Variants in ZP2 observed in about 807,000 individuals in gnomAD.
ZP2 encodes the protein zona pellucida glycoprotein 2.
ZP2 carries 51 observed loss-of-function variants against 84.0 expected under a neutral mutation model. That is an observed-to-expected ratio of 0.61 (90% CI 0.49 to 0.77). ZP2 has a LOEUF of 0.77. Ranked by LOEUF, ZP2 falls within the 30% of genes least tolerant of loss-of-function variation. The pLI is 0.00. For missense variants in ZP2, 909 were observed against 911.9 expected (o/e 1.00, Z 0.04); for synonymous variants, 375 against 330.9 (o/e 1.13, Z -1.45).
chr16:21,212,270 G>A (rs963290331), upstream of ZP2, among the ~76,000 whole-genome samples: 3 of 152,114 alleles, frequency 2.0e-5, no homozygotes, highest in African/African-American at 7.2e-5. Flanking sequence ...TACTGCAGAA[G>A]TTACCCTGAT....
In ZP2 at chr16:21,198,865, G is replaced by T; in HGVS notation, c.1928-3C>A. On this transcript the variant is annotated splice_polypyrimidine_tract_variant and splice_region_variant and intron_variant, in intron 16 of 18. Transcript: ENST00000574091. The stretch of plus-strand genomic sequence containing the variant: ...CTCTGCTTCAGTGGCCCCTGTGGCT[G>T]GAGACAGATGATCAAGTTTGTGTTT... The T allele has an allele frequency of 6.2e-7, 1 of 1,613,462 alleles. No homozygotes were observed.
At position 21,197,801 on chromosome 16, in the gene ZP2, C is replaced by A; in HGVS notation, c.2060G>T (p.Ser687Ile). ...LKASGSSGEKSRSETGEEVGS... is the reference protein window; with the variant it reads ...LKASGSSGEKIRSETGEEVGS... ...AACCTCCTCCCCTGTTTCACTCCTA[C>A]TCTTCTCCCCACTGCTCCCACTTGC... Residue 687 changes from serine (S) to isoleucine (I), a missense_variant, in exon 18 of 19, where the codon AGT becomes ATT. Physicochemically the swap from Ser to Ile is moderately radical, Grantham distance 142. Coordinates refer to ENST00000574091, the MANE Select transcript of ZP2 (RefSeq NM_001376232.1). 3 of 1,614,210 alleles carry A rather than the reference C, an allele frequency of 1.9e-6. No individual in the cohort carries two copies. The highest frequency in any genetic ancestry group is 2.5e-6 in the Non-Finnish European group (3 of 1,180,028).
chr16:21,198,737 A>G, intron 17 of ZP2, 42 bp downstream of exon 17: 2 of 1,577,334 alleles, frequency 1.3e-6, no homozygotes, highest in Non-Finnish European at 1.7e-6. Flanking sequence ...TAAAAAGCTA[A>G]GAACTTGAAT....
At position 21,205,760 on chromosome 16, in the gene ZP2, C is replaced by T; in HGVS notation, c.499G>A (p.Val167Ile). The T allele has an allele frequency of 1.9e-6, 3 of 1,614,000 alleles. No homozygotes were observed. Among genetic ancestry groups the T allele is most frequent in the South Asian group, 1.1e-5 (1 of 91,080 alleles). The change falls in exon 6 of 19, where the codon GTC becomes ATC. Residue 167 changes from valine to isoleucine, a missense_variant. Physicochemically the swap from Val to Ile is conservative, Grantham distance 29. Coordinates refer to ENST00000574091, the MANE Select transcript of ZP2 (RefSeq NM_001376232.1). ...CTGTCGTCAGCCAAGCCAGAGAAGA[C>T]CCGTGGCAAGGAAAACTGGAAGAAA... Reference protein sequence around the residue: ...KDFMSFSLPRVFSGLADDSKG... With the variant: ...KDFMSFSLPRIFSGLADDSKG...
chr16:21,203,892 T>C, intron 9 of ZP2, 138 bp downstream of exon 9: 1 of 828,988 alleles, frequency 1.2e-6, no homozygotes, highest in African/African-American at 1.7e-5. Context: ...GATGATCAAA[T>C]GAGGCCTTTT....
Position 21,201,594 on chromosome 16 carries a change from C to T in ZP2, c.1505-36G>A, listed in dbSNP as rs367928907. On this transcript the variant is annotated intron_variant, in intron 13 of 18. Coordinates refer to ENST00000574091, the MANE Select transcript of ZP2 (RefSeq NM_001376232.1). Reference sequence around the variant, plus strand: ...ATGGTATTCAAGTAGTTAATGGCTGCAACACAGATTCATAGGTCATCACTG... The same window carrying T: ...ATGGTATTCAAGTAGTTAATGGCTGTAACACAGATTCATAGGTCATCACTG... 2.7e-5 allele frequency: 44 copies of T among 1,601,212 alleles called. No homozygotes were observed. In the African/African-American group the frequency reaches 5.6e-4, roughly 20 times the overall value.
chr16:21,199,601 C>A lies in ZP2; in HGVS notation c.1896G>T (p.Val632=). 1.2e-6 allele frequency: 2 copies of A among 1,613,312 alleles called. No individual in the cohort carries two copies. The highest frequency in any genetic ancestry group is 2.2e-5 in the South Asian group (2 of 90,824). ...TGTGCCTAGAGGACACAGGGCAGGT[C>A]ACAGAACACAGTGGGGAGTCAGGGG... is the stretch of plus-strand genomic sequence containing the variant. ...RLSPDSPLCS[V]TCPVSSRHRR... Residue 632 remains valine, a synonymous_variant, in exon 16 of 19, where the codon GTG becomes GTT. Transcript: ENST00000574091.
chr16:21,207,635 A>AAC (rs10530241), intron 4 of ZP2, among the ~76,000 whole-genome samples: 2,205 of 143,796 alleles, frequency 0.015, 30 homozygotes, highest in Middle Eastern at 0.038. Flanking sequence ...ATATATATTA[A>AAC]ACACACACAC....
At chr16:21,208,235 C>T (rs966332524) in intron 4 of ZP2, among the ~76,000 whole-genome samples, 2 of 152,172 alleles carry the variant, frequency 1.3e-5, no homozygotes, top group African/African-American at 2.4e-5. Context: ...CCATGGACTG[C>T]GTTTGGCCAT....
intron 17 of ZP2, 37 bp downstream of exon 17, chr16:21,198,742 T>C: frequency 1.3e-6 from 2 of 1,592,974 alleles, no homozygotes; most frequent in Non-Finnish European, 1.7e-6. Context: ...AGCTAAGAAC[T>C]TGAATCCAGG....
chr16:21,210,268 T>C, intron 2 of ZP2, 76 bp from the exon 3 acceptor site: 1 of 1,164,318 alleles, frequency 8.6e-7, no homozygotes, highest in Non-Finnish European at 1.3e-6. Context: ...TAGACTCCTC[T>C]CAGATGGGAG....
chr16:21,203,304 G>A (rs554608818), intron 9 of ZP2, 53 bp from the exon 10 acceptor site: 18 of 1,603,618 alleles, frequency 1.1e-5, no homozygotes, highest in South Asian at 3.3e-5. Context: ...GCCCGGAACC[G>A]TCACAGGGAG....
intron 2 of ZP2, among the ~76,000 whole-genome samples, chr16:21,210,955 G>C (rs1226770389): frequency 1.3e-5 from 2 of 151,418 alleles, no homozygotes; most frequent in African/African-American, 2.4e-5. Context: ...TGAACGTCAA[G>C]TGAGCAGCTC....
At position 21,204,343 on chromosome 16, in the gene ZP2, T is replaced by A. The variant is rs1482559444; in HGVS notation, c.755A>T (p.Lys252Met). 6 of 1,614,100 alleles carry A rather than the reference T, an allele frequency of 3.7e-6. No individual in the cohort carries two copies. The South Asian group carries it at 6.6e-5, about 18-fold the overall frequency. Residue 252 changes from lysine to methionine, a missense_variant, in exon 8 of 19, where the codon AAG (lysine) becomes ATG (methionine). By Grantham distance (95) the Lys-to-Met change is moderately conservative. Coordinates refer to ENST00000574091, the MANE Select transcript of ZP2 (RefSeq NM_001376232.1). The part of the protein sequence containing the change: ...LKLTFISPGQ[K>M]VIFSSQAICA... ...AATAGCTTGTGAAGAGAAGATCACC[T>A]TCTGTCCAGGAGATATAAATGTAAG... is the stretch of plus-strand genomic sequence containing the variant.
At chr16:21,204,257 C>T (rs745543708) in intron 8 of ZP2, 46 bp from the exon 9 acceptor site, 1 of 1,613,960 alleles carries the variant, frequency 6.2e-7, no homozygotes, top group South Asian at 1.1e-5. Flanking sequence ...CTTGATTAAG[C>T]TTCTAGGACA....
At chr16:21,202,402 G>T in intron 10 of ZP2, 111 bp from the exon 11 acceptor site, 2 of 1,027,932 alleles carry the variant, frequency 1.9e-6, no homozygotes, top group Non-Finnish European at 2.7e-6. Context: ...GGAGGCATCA[G>T]AATCTGTCTT....
chr16:21,206,840 A>G lies in ZP2; in HGVS notation c.481T>C (p.Ser161Pro). The G allele has an allele frequency of 6.2e-7, 1 of 1,614,100 alleles. No individual in the cohort carries two copies. The highest frequency in any genetic ancestry group is 1.1e-5 in the South Asian group (1 of 91,080). Residue 161 changes from serine to proline, a missense_variant and splice_region_variant, in exon 5 of 19, where the codon TCT (serine) becomes CCT (proline). Coordinates refer to ENST00000574091, the MANE Select transcript of ZP2 (RefSeq NM_001376232.1). ...ASTICQKDFM[S>P]FSLPRVFSGL... ...AGCAGTCAGCCCGTTTCACTCACAG[A>G]CATGAAATCCTTCTGGCAGATTGTA... is the stretch of plus-strand genomic sequence containing the variant.
At chr16:21,210,898 G>A (rs1382596747) in intron 2 of ZP2, among the ~76,000 whole-genome samples, 3 of 147,904 alleles carry the variant, frequency 2.0e-5, no homozygotes, top group Non-Finnish European at 4.5e-5. Flanking sequence ...TTTTTTTAAA[G>A]ATCAAGTTTT....
At chr16:21,205,372 A>C (rs747911863) in intron 7 of ZP2, 48 bp downstream of exon 7, 1 of 1,589,878 alleles carries the variant, frequency 6.3e-7, no homozygotes, top group Non-Finnish European at 8.6e-7. Context: ...TCAATTTAGG[A>C]ATACTGGCCT....
Sources: allele counts gnomAD v4.1 joint callset (sites outside exome capture counted in the v4.1 genomes callset), GRCh38; gene constraint gnomAD v4.1.1; transcripts MANE v1.5; gene names NCBI Gene and HGNC (gene_info 2026-07-23, HGNC 2026-07-21).